Variants in PPP1R9A observed in about 807,000 individuals in gnomAD.
PPP1R9A encodes neurabin-1.
In PPP1R9A, 59 loss-of-function variants were observed where a neutral mutation model predicts 141.9. The ratio of observed to expected loss-of-function variants is 0.42; its 90% CI spans 0.34 to 0.52. PPP1R9A has a LOEUF of 0.52. Ranked by LOEUF, PPP1R9A falls within the 20% of genes least tolerant of loss-of-function variation. The pLI, the probability that PPP1R9A is intolerant of heterozygous loss-of-function variation, is 0.10. For missense variants in PPP1R9A, 1,444 were observed against 1,611.9 expected (o/e 0.90, Z 1.78); for synonymous variants, 500 against 569.7 (o/e 0.88, Z 1.74).
intron 8 of PPP1R9A, among the ~76,000 whole-genome samples, chr7:95,233,270 C>T (rs1225700896): frequency 6.6e-6 from 1 of 151,698 alleles, no homozygotes; most frequent in Non-Finnish European, 1.5e-5. Flanking sequence ...AACACAGGAA[C>T]AGAAAACCAA....
At chr7:95,116,784 T>G (rs1821600643) in intron 3 of PPP1R9A, among the ~76,000 whole-genome samples, 1 of 152,232 alleles carries the variant, frequency 6.6e-6, no homozygotes, top group Admixed American at 6.5e-5. Flanking sequence ...AAAGCTTTTG[T>G]AATCAGAACA....
chr7:95,057,682 G>C (rs1468429192), intron 2 of PPP1R9A, among the ~76,000 whole-genome samples: 1 of 152,090 alleles, frequency 6.6e-6, no homozygotes, highest in African/African-American at 2.4e-5. Flanking sequence ...GATCTCATTT[G>C]TTAATAACCC....
At chr7:95,233,878 G>C (rs1367804289) in intron 8 of PPP1R9A, among the ~76,000 whole-genome samples, 1 of 152,102 alleles carries the variant, frequency 6.6e-6, no homozygotes, top group Non-Finnish European at 1.5e-5. Context: ...TTTAACATAT[G>C]CAAGTCAATA....
chr7:95,135,112 GT>G (rs1347176136), intron 4 of PPP1R9A, among the ~76,000 whole-genome samples: 2 of 152,020 alleles, frequency 1.3e-5, no homozygotes, highest in African/African-American at 4.8e-5. Flanking sequence ...CACTTATAGT[GT>G]TTTTTATAGC....
At chr7:95,004,411 T>C (rs865924017) in intron 2 of PPP1R9A, among the ~76,000 whole-genome samples, 2 of 152,230 alleles carry the variant, frequency 1.3e-5, no homozygotes, top group South Asian at 2.1e-4. Flanking sequence ...CTGTGAGACA[T>C]GTTTAAAAAT....
chr7:94,949,205 A>G (rs1017192633), intron 2 of PPP1R9A, among the ~76,000 whole-genome samples: 3 of 152,208 alleles, frequency 2.0e-5, no homozygotes, highest in African/African-American at 4.8e-5. Context: ...CTGGGCTTAC[A>G]TGGAGGTGAC....
At chr7:95,266,284 A>T (rs1801270288) in intron 12 of PPP1R9A, among the ~76,000 whole-genome samples, 1 of 152,102 alleles carries the variant, frequency 6.6e-6, no homozygotes, top group African/African-American at 2.4e-5. Context: ...CAAAATAAAA[A>T]ATCATCCAGG....
chr7:95,068,014 C>T (rs1252943878), intron 2 of PPP1R9A, among the ~76,000 whole-genome samples: 2 of 152,148 alleles, frequency 1.3e-5, no homozygotes, highest in African/African-American at 4.8e-5. Context: ...ACTCAGCTCG[C>T]CTGCACCCAG....
Position 94,974,458 on chromosome 7 carries a change from G to T in PPP1R9A, c.1395+62950G>T, listed in dbSNP as rs182488028. 1.6e-3 allele frequency among the ~76,000 whole-genome samples: 244 copies of T among 152,292 alleles called. 1 individual carries two copies. Among genetic ancestry groups the T allele is most frequent in the African/African-American group, 5.6e-3 (234 of 41,558 alleles). ...ATGACAGGACATCCAAATGGAACGAGCTGTCCAATAAAAATAGATCTTTGT... is the reference window on the plus strand; with the variant it reads ...ATGACAGGACATCCAAATGGAACGATCTGTCCAATAAAAATAGATCTTTGT... On this transcript the variant is annotated intron_variant, in intron 2 of 19. Coordinates refer to ENST00000433360, the MANE Select transcript of PPP1R9A (RefSeq NM_001166160.2).
At chr7:95,103,944 T>C (rs1036568863) in intron 2 of PPP1R9A, among the ~76,000 whole-genome samples, 11 of 152,190 alleles carry the variant, frequency 7.2e-5, no homozygotes, top group Non-Finnish European at 1.5e-4. Flanking sequence ...TAACTTTGTT[T>C]TAGGACCCTT....
At chr7:95,234,326 C>A (rs1303276317) in intron 8 of PPP1R9A, among the ~76,000 whole-genome samples, 1 of 152,126 alleles carries the variant, frequency 6.6e-6, no homozygotes, top group African/African-American at 2.4e-5. Context: ...GAATTCAGCA[C>A]AGTTTCAGGA....
intron 4 of PPP1R9A, among the ~76,000 whole-genome samples, chr7:95,157,264 C>CA (rs542375517): frequency 6.6e-6 from 1 of 152,278 alleles, no homozygotes; most frequent in Admixed American, 6.5e-5. Flanking sequence ...CCTCTCCCCC[C>CA]CCAGAGTGCA....
chr7:95,019,316 G>A (rs560129805), intron 2 of PPP1R9A, among the ~76,000 whole-genome samples: 5 of 152,182 alleles, frequency 3.3e-5, no homozygotes, highest in Non-Finnish European at 5.9e-5. Flanking sequence ...CCATGAGGTG[G>A]AGGTTGCAGT....
rs189491993 is a variant in PPP1R9A, at chr7:95,212,574, T to C, written c.1956+8844T>C. On this transcript the variant is annotated intron_variant, in intron 7 of 19. Coordinates refer to ENST00000433360, the MANE Select transcript of PPP1R9A (RefSeq NM_001166160.2). ...AGTCATTTAATCAGATAAGATCTTA[T>C]GAAAATGGTTCCTGATTTTAGGTAA... is the stretch of plus-strand genomic sequence containing the variant. 2.6e-5 allele frequency among the ~76,000 whole-genome samples: 4 copies of C among 152,272 alleles called. No homozygotes were observed. The East Asian group carries it at 5.8e-4, about 22-fold the overall frequency.
chr7:94,924,795 G>T (rs891727924), intron 2 of PPP1R9A, among the ~76,000 whole-genome samples: 1 of 152,122 alleles, frequency 6.6e-6, no homozygotes, highest in Non-Finnish European at 1.5e-5. Context: ...CTCCCAAAGT[G>T]CTGGGATTAC....
chr7:95,046,496 A>G (rs745838783), intron 2 of PPP1R9A, among the ~76,000 whole-genome samples: 22 of 152,206 alleles, frequency 1.4e-4, no homozygotes, highest in Admixed American at 2.6e-4. Context: ...GGACTCTGCT[A>G]TTTGATAACA....
At chr7:95,059,282 C>T (rs1017263185) in intron 2 of PPP1R9A, among the ~76,000 whole-genome samples, 3 of 152,104 alleles carry the variant, frequency 2.0e-5, no homozygotes, top group Admixed American at 6.6e-5. Flanking sequence ...TCATCCCAAA[C>T]GTCTTCTACC....
intron 18 of PPP1R9A, among the ~76,000 whole-genome samples, chr7:95,287,478 T>C (rs945029728): frequency 6.6e-6 from 1 of 152,180 alleles, no homozygotes; most frequent in African/African-American, 2.4e-5. Flanking sequence ...AGGTGACTCC[T>C]GTCTTTCCTT....
chr7:95,251,663 T>G lies in PPP1R9A; in HGVS notation c.2397-99T>G, dbSNP rs938757150. On this transcript the variant is annotated intron_variant, in intron 10 of 19. Coordinates refer to ENST00000433360, the MANE Select transcript of PPP1R9A (RefSeq NM_001166160.2). ...ATTGAATGTTGTCCATTTAAATAAC[T>G]GTTCAGTTGCTTATCCTACTATGCA... 5.6e-6 allele frequency: 6 copies of G among 1,075,890 alleles called. No homozygotes were observed. The African/African-American group carries it at 9.6e-5, about 17-fold the overall frequency. The allele number at this position is 1,075,890 out of a possible 1,614,324, so 66.6% of individuals were successfully genotyped here.
Sources: gnomAD v4.1 joint callset for allele counts (sites outside exome capture counted in the v4.1 genomes callset) on GRCh38, gnomAD v4.1.1 for gene constraint, MANE v1.5 for transcripts, NCBI Gene and HGNC (gene_info 2026-07-23, HGNC 2026-07-21) for gene names.